The following CHL1 variants were observed in gnomAD, a reference collection of about 807,000 sequenced individuals.
CHL1 encodes the protein cell adhesion molecule L1 like.
Under a neutral mutation model 141.9 loss-of-function variants are expected in CHL1, and 96 were observed. The observed-to-expected ratio is 0.68, with a 90% CI of 0.57 to 0.80. The LOEUF (loss-of-function observed/expected upper bound fraction) is 0.80. Ranked by LOEUF, CHL1 falls within the 30% of genes least tolerant of loss-of-function variation. CHL1 has a pLI of 0.00. For synonymous variants in CHL1, 613 were observed against 502.2 expected (o/e 1.22, Z -2.95); for missense variants, 1,820 against 1,457.2 (o/e 1.25, Z -4.05).
rs564067357 is a variant in CHL1 at position 344,499 on chromosome 3, C to T, written c.728-90C>T. On this transcript the variant is annotated intron_variant, in intron 8 of 27. Coordinates refer to ENST00000256509, the MANE Select transcript of CHL1 (RefSeq NM_006614.4). ...CACACACACACACACACTCGTGTGT[C>T]GGATTTTTTGTTTTAAGAAAGATGT... The T allele has an allele frequency of 2.1e-4, 188 of 899,326 alleles. 1 individual carries two copies. In the African/African-American group the frequency reaches 2.3e-3, roughly 11 times the overall value. 55.7% of individuals were successfully genotyped at this position (899,326 alleles called of 1,614,324 possible).
At chr3:322,068 A>G (rs1340765927) in intron 3 of CHL1, among the ~76,000 whole-genome samples, 1 of 152,102 alleles carries the variant, frequency 6.6e-6, no homozygotes, top group Non-Finnish European at 1.5e-5. Flanking sequence ...GCCACTGTGT[A>G]TCATCCCTCA....
intron 19 of CHL1, among the ~76,000 whole-genome samples, chr3:387,806 C>G (rs1707881192): frequency 6.6e-6 from 1 of 152,138 alleles, no homozygotes; most frequent in East Asian, 1.9e-4. Context: ...TTAACAAGGT[C>G]TGCAGAAAAT....
intron 15 of CHL1, among the ~76,000 whole-genome samples, chr3:376,863 C>CTAT (rs1706389343): frequency 6.6e-6 from 1 of 152,054 alleles, no homozygotes; most frequent in Admixed American, 6.6e-5. Flanking sequence ...GCAAATCTTT[C>CTAT]TATTATTGGT....
At chr3:335,229 C>T (rs1222888105) in intron 5 of CHL1, among the ~76,000 whole-genome samples, 1 of 152,158 alleles carries the variant, frequency 6.6e-6, no homozygotes, top group Non-Finnish European at 1.5e-5. Flanking sequence ...AAAAACAGAT[C>T]AATTTGTTCA....
At chr3:358,946 A>C (rs1165058150) in intron 11 of CHL1, among the ~76,000 whole-genome samples, 3 of 147,564 alleles carry the variant, frequency 2.0e-5, no homozygotes, top group Non-Finnish European at 4.5e-5. Context: ...TTTCCTTCCC[A>C]CTGGATTTAT....
At chr3:325,198 G>A (rs549363899) in intron 3 of CHL1, among the ~76,000 whole-genome samples, 39 of 151,560 alleles carry the variant, frequency 2.6e-4, no homozygotes, top group African/African-American at 8.7e-4. Context: ...AAGGGAATAA[G>A]GAGTTTATAT....
intron 2 of CHL1, among the ~76,000 whole-genome samples, chr3:294,163 T>G (rs541645919): frequency 6.6e-6 from 1 of 151,608 alleles, no homozygotes; most frequent in African/African-American, 2.4e-5. Flanking sequence ...TATACAAAAT[T>G]CAAAAATTAG....
At chr3:202,447 A>G (rs1357755921) in intron 1 of CHL1, among the ~76,000 whole-genome samples, 1 of 152,246 alleles carries the variant, frequency 6.6e-6, no homozygotes, top group African/African-American at 2.4e-5. Flanking sequence ...CATATTTAAA[A>G]GGTTTTCGCA....
intron 1 of CHL1, among the ~76,000 whole-genome samples, chr3:202,198 A>G (rs1009311636): frequency 1.3e-5 from 2 of 152,188 alleles, no homozygotes; most frequent in Non-Finnish European, 2.9e-5. Context: ...GTTCTTGTGG[A>G]CATTGTATGG....
chr3:352,154 C>A (rs1331349225), intron 10 of CHL1, among the ~76,000 whole-genome samples: 5 of 152,074 alleles, frequency 3.3e-5, no homozygotes, highest in Non-Finnish European at 7.4e-5. Flanking sequence ...GTCATAAAAT[C>A]AAATGCAACT....
chr3:330,398 A>G (rs938493698), intron 5 of CHL1, among the ~76,000 whole-genome samples: 3 of 152,130 alleles, frequency 2.0e-5, no homozygotes, highest in Non-Finnish European at 4.4e-5. Flanking sequence ...ATGAAAATTA[A>G]TGATCTTAGC....
Position 282,786 on chromosome 3 carries a change from C to T in CHL1, c.-94-36897C>T, listed in dbSNP as rs117602947. On this transcript the variant is annotated intron_variant, in intron 2 of 27. Coordinates refer to ENST00000256509, the MANE Select transcript of CHL1 (RefSeq NM_006614.4). Reference sequence around the variant, plus strand: ...TCAAGTTTTAGATGGGTCACCAAAGCAAGCACTCTGGATCTTTCCATACTG... The same window carrying T: ...TCAAGTTTTAGATGGGTCACCAAAGTAAGCACTCTGGATCTTTCCATACTG... 1.3e-4 allele frequency: 20 copies of T among 152,292 alleles called. No individual in the cohort carries two copies. The East Asian group carries it at 3.9e-3, about 29-fold the overall frequency. 9.4% of individuals were successfully genotyped at this position (152,292 alleles called of 1,614,324 possible). A position where few individuals can be genotyped will look rare whatever the true frequency, so the allele number is the denominator to read the frequency against.
At chr3:248,302 T>C (rs1414607324) in intron 2 of CHL1, 3 of 152,128 alleles carry the variant, frequency 2.0e-5, no homozygotes, top group Non-Finnish European at 4.4e-5. Context: ...GGTATACTTA[T>C]ATTTCATTAT....
chr3:369,233 G>C (rs1021812170), intron 15 of CHL1, among the ~76,000 whole-genome samples: 1 of 94,686 alleles, frequency 1.1e-5, no homozygotes, highest in Admixed American at 1.2e-4. Context: ...CATGAGGATG[G>C]GATTTTTTTT....
intron 1 of CHL1, among the ~76,000 whole-genome samples, chr3:204,329 C>T (rs1008523417): frequency 6.6e-6 from 1 of 152,214 alleles, no homozygotes; most frequent in Non-Finnish European, 1.5e-5. Context: ...GAGATACACT[C>T]AAATGTCAGT....
intron 5 of CHL1, among the ~76,000 whole-genome samples, chr3:332,551 C>T (rs1205736787): frequency 6.6e-6 from 1 of 151,960 alleles, no homozygotes; most frequent in Non-Finnish European, 1.5e-5. Flanking sequence ...ATTCTATAAA[C>T]AATTGTTTTA....
At chr3:236,682 T>C (rs1229814551) in intron 1 of CHL1, among the ~76,000 whole-genome samples, 1 of 151,674 alleles carries the variant, frequency 6.6e-6, no homozygotes, top group Non-Finnish European at 1.5e-5. Flanking sequence ...AACATTATAC[T>C]GACATTTTCT....
chr3:391,153 G>C lies in CHL1; in HGVS notation c.2785G>C (p.Glu929Gln), dbSNP rs371927163. ...TGAGCCTTATATATTTCAAACACCA[G>C]AAGGAGGTGAGAGGATAATGATGTA... ...ESEPYIFQTP[E>Q]GVPEQPTFLK... Residue 929 changes from glutamate (E) to glutamine (Q), a missense_variant, in exon 22 of 28, where the codon GAA becomes CAA. Glu to Gln is a conservative substitution (Grantham distance 29). Coordinates refer to ENST00000256509, the MANE Select transcript of CHL1 (RefSeq NM_006614.4). 102 of 1,607,158 alleles carry C rather than the reference G, an allele frequency of 6.3e-5. No homozygotes were observed. The highest frequency in any genetic ancestry group is 8.3e-5 in the Non-Finnish European group (98 of 1,173,976).
At chr3:331,676 T>A (rs548313844) in intron 5 of CHL1, among the ~76,000 whole-genome samples, 3 of 152,288 alleles carry the variant, frequency 2.0e-5, no homozygotes, top group Non-Finnish European at 2.9e-5. Context: ...AAGCCACAAC[T>A]CAGATAAAAA....
Sources: gnomAD v4.1 joint callset for allele counts (sites outside exome capture counted in the v4.1 genomes callset) on GRCh38, gnomAD v4.1.1 for gene constraint, MANE v1.5 for transcripts, NCBI Gene and HGNC (gene_info 2026-07-23, HGNC 2026-07-21) for gene names.